PARK7: variants seen among roughly 807,000 people sequenced by gnomAD.
The protein encoded by PARK7 is Parkinsonism associated deglycase, also known as Parkinson disease protein 7.
In PARK7, 14 loss-of-function variants were observed where a neutral mutation model predicts 20.5. The observed-to-expected ratio is 0.68, with a 90% confidence interval of 0.45 to 1.07. The LOEUF is 1.07. Ranked by LOEUF, PARK7 falls within the 50% of genes least tolerant of loss-of-function variation. The pLI is 0.00. For synonymous variants in PARK7, 98 were observed against 84.3 expected, an observed-to-expected ratio of 1.16 and a Z score of -0.89; for missense variants, 234 against 238.1, an observed-to-expected ratio of 0.98 and a Z score of 0.11.
At chr1:7,981,085 C>T (rs1640700142) in intron 6 of PARK7, among the ~76,000 whole-genome samples, 1 of 152,024 alleles carries the variant, frequency 6.6e-6, no homozygotes, top group South Asian at 2.1e-4. Flanking sequence ...CTCATTTGTC[C>T]ACTGTTTGAT....
In PARK7 at chr1:7,979,152, A is replaced by C. The variant is rs529146304; in HGVS notation, c.409+1414A>C. Among the ~76,000 whole-genome samples the C allele has an allele frequency of 9.2e-5, 14 of 152,246 alleles. 1 individual carries two copies. In the East Asian group the frequency reaches 1.9e-3, roughly 21 times the overall value. On this transcript the variant is annotated intron_variant, in intron 6 of 6. Coordinates refer to ENST00000338639, the MANE Select transcript of PARK7 (RefSeq NM_007262.5). ...TGCCCTTGTAAACCATGCCATAATG[A>C]TCATCCTTGAATGCCGCTGTGAGCA...
chr1:7,983,821 T>A (rs1389787890), intron 6 of PARK7, among the ~76,000 whole-genome samples: 1 of 152,194 alleles, frequency 6.6e-6, no homozygotes, highest in Non-Finnish European at 1.5e-5. Context: ...AGAATGGTGT[T>A]TGGTGCCTTT....
In PARK7 at chr1:7,984,986, A is replaced by G. The variant is rs374962638; in HGVS notation, c.502A>G (p.Ile168Val). ...GACCAGCTTCGAGTTTGCGCTTGCA[A>G]TTGTTGAAGCCCTGAATGGCAAGGA... ...PGTSFEFALA[I>V]VEALNGKEVA... is the part of the protein sequence containing the mutation. Residue 168 changes from isoleucine to valine, a missense_variant, in exon 7 of 7, where the codon ATT becomes GTT. By Grantham distance (29) the Ile-to-Val change is conservative. Coordinates refer to ENST00000338639, the MANE Select transcript of PARK7 (RefSeq NM_007262.5). The surrounding 1 kb of genome is among the most constrained non-coding windows in gnomAD (Gnocchi z 4.3). The G allele has an allele frequency of 2.6e-5, 42 of 1,614,084 alleles. No individual in the cohort carries two copies. Among genetic ancestry groups the G allele is most frequent in the Non-Finnish European group, 3.2e-5 (38 of 1,180,050 alleles).
intron 4 of PARK7, among the ~76,000 whole-genome samples, chr1:7,970,170 G>C (rs575053580): frequency 2.5e-4 from 38 of 152,214 alleles, no homozygotes; most frequent in Non-Finnish European, 4.6e-4. Context: ...ATTCTAGCCT[G>C]GGCAACAAAG....
rs1309873819 is a variant in PARK7, at chr1:7,962,813, C to G, written c.28C>G (p.Leu10Val). The change falls in exon 2 of 7, where the codon CTG becomes GTG. Residue 10 changes from leucine (L) to valine (V), a missense_variant. Physicochemically the swap from Leu to Val is conservative, Grantham distance 32. Coordinates refer to ENST00000338639, the MANE Select transcript of PARK7 (RefSeq NM_007262.5). MASKRALVI[L>V]AKGAEEMETV... is the part of the protein sequence containing the mutation. The stretch of plus-strand genomic sequence containing the variant: ...GGCTTCCAAAAGAGCTCTGGTCATC[C>G]TGGCTAAAGGAGCAGAGGAAATGGA... 3 of 1,611,552 alleles carry G rather than the reference C, an allele frequency of 1.9e-6. No individual in the cohort carries two copies. The highest frequency in any genetic ancestry group is 2.5e-6 in the Non-Finnish European group (3 of 1,179,478).
rs954957876 is a variant in PARK7 at position 7,984,312 on chromosome 1, G to C, written c.410-582G>C. Among the ~76,000 whole-genome samples, 2 of 152,200 alleles carry C rather than the reference G, an allele frequency of 1.3e-5. No individual in the cohort carries two copies. Among genetic ancestry groups the C allele is most frequent in the African/African-American group, 2.4e-5 (1 of 41,438 alleles). The stretch of plus-strand genomic sequence containing the variant: ...AGGGCATCCATGCTTAAGAGTCCCA[G>C]TTTTGGTATTATATTTGCCAAGAAA... On this transcript the variant is annotated intron_variant, in intron 6 of 6. Transcript: ENST00000338639. The surrounding 1 kb of genome is among the most constrained non-coding windows in gnomAD (Gnocchi z 4.3).
At chr1:7,977,787 T>A (rs987857638) in intron 6 of PARK7, 49 bp downstream of exon 6, 6 of 1,456,156 alleles carry the variant, frequency 4.1e-6, no homozygotes, top group Non-Finnish European at 4.8e-6. Flanking sequence ...TGAGATGGAG[T>A]CTCGCTCCAT....
In PARK7 at chr1:7,984,847, G is replaced by A. The variant is rs568034624; in HGVS notation, c.410-47G>A. 7.5e-6 allele frequency: 12 copies of A among 1,607,048 alleles called. No homozygotes were observed. Among genetic ancestry groups the A allele is most frequent in the African/African-American group, 4.0e-5 (3 of 74,920 alleles). On this transcript the variant is annotated intron_variant, in intron 6 of 6. Transcript: ENST00000338639. This position sits in a 1 kb window ranked among gnomAD's most constrained non-coding sequence, Gnocchi z 4.3. Reference sequence around the variant, plus strand: ...TAATTGGTAAGTAATCGTCTTTCTCGTCACATAGCCCATTAGGATGTCACC... The same window carrying A: ...TAATTGGTAAGTAATCGTCTTTCTCATCACATAGCCCATTAGGATGTCACC...
At chr1:7,962,309 C>T (rs370951008) in intron 1 of PARK7, among the ~76,000 whole-genome samples, 4 of 151,994 alleles carry the variant, frequency 2.6e-5, no homozygotes, top group African/African-American at 7.2e-5. Flanking sequence ...AACAAAAATC[C>T]CCTCCAAAAA....
At chr1:7,977,621 T>C (rs2151436395) in intron 5 of PARK7, 31 bp from the exon 6 acceptor site, 1 of 1,584,820 alleles carries the variant, frequency 6.3e-7, no homozygotes, top group Non-Finnish European at 8.7e-7. Flanking sequence ...TTTCTATATC[T>C]GCACTTAGAT....
chr1:7,964,232 C>G (rs565288826), intron 2 of PARK7, among the ~76,000 whole-genome samples: 1 of 152,276 alleles, frequency 6.6e-6, no homozygotes, highest in Non-Finnish European at 1.5e-5. Context: ...CTGTGCCAGG[C>G]AGCATTCTAA....
At chr1:7,962,023 A>G (rs1029679315) in intron 1 of PARK7, 7 of 152,220 alleles carry the variant, frequency 4.6e-5, no homozygotes, top group African/African-American at 1.7e-4. Flanking sequence ...TCTTCTGCCT[A>G]ACCTCTCGCC....
chr1:7,968,839 G>A (rs1578094651), intron 3 of PARK7, among the ~76,000 whole-genome samples: 1 of 152,252 alleles, frequency 6.6e-6, no homozygotes, highest in African/African-American at 2.4e-5. Context: ...AATTTTTTAA[G>A]TTGTTCATGT....
At position 7,970,969 on chromosome 1, in the gene PARK7, G is replaced by T. The variant is rs758620266; in HGVS notation, c.322+6G>T. On this transcript the variant is annotated splice_donor_region_variant and intron_variant, in intron 5 of 6. Coordinates refer to ENST00000338639, the MANE Select transcript of PARK7 (RefSeq NM_007262.5). ...GATAGCCGCCATCTGTGCAGGTGAC[G>T]TGCAGGGGCAGCCTGTGTTGCAGCG... 6.2e-7 allele frequency: 1 copy of T among 1,614,106 alleles called. No homozygotes were observed. Among genetic ancestry groups the T allele is most frequent in the Non-Finnish European group, 8.5e-7 (1 of 1,179,974 alleles).
chr1:7,985,134 T>G lies in PARK7; in HGVS notation c.*80T>G. On this transcript the variant is annotated 3_prime_UTR_variant, in exon 7 of 7. Coordinates refer to ENST00000338639, the MANE Select transcript of PARK7 (RefSeq NM_007262.5). The stretch of plus-strand genomic sequence containing the variant: ...ACTGTGTTCGCTCTAAACAAAACAG[T>G]GGTAGGTTAATGTGTTCAGAAGTCG... 2 of 1,550,026 alleles carry G rather than the reference T, an allele frequency of 1.3e-6. No homozygotes were observed. Among genetic ancestry groups the G allele is most frequent in the Non-Finnish European group, 1.7e-6 (2 of 1,146,394 alleles).
chr1:7,975,008 A>C (rs1219942115), intron 5 of PARK7, among the ~76,000 whole-genome samples: 1 of 151,984 alleles, frequency 6.6e-6, no homozygotes, highest in Non-Finnish European at 1.5e-5. Context: ...GGCACCTGCC[A>C]CCATGCCCAG....
At chr1:7,970,361 T>C (rs552628865) in intron 4 of PARK7, among the ~76,000 whole-genome samples, 2 of 152,304 alleles carry the variant, frequency 1.3e-5, no homozygotes, top group Admixed American at 1.3e-4. Flanking sequence ...CTCAAAGTCT[T>C]AACTGGGGGA....
chr1:7,972,837 G>A (rs376719488), intron 5 of PARK7, among the ~76,000 whole-genome samples: 44 of 152,004 alleles, frequency 2.9e-4, no homozygotes, highest in African/African-American at 9.9e-4. Context: ...TCAGGAGTTC[G>A]AAACCAGCCT....
chr1:7,977,196 G>A (rs1640602420), intron 5 of PARK7, among the ~76,000 whole-genome samples: 1 of 152,130 alleles, frequency 6.6e-6, no homozygotes, highest in South Asian at 2.1e-4. Flanking sequence ...GGTATATGTG[G>A]TCCCTGTTCT....
Sources: gnomAD v4.1 joint callset for allele counts (sites outside exome capture counted in the v4.1 genomes callset) on GRCh38, gnomAD v4.1.1 for gene constraint, Gnocchi (gnomAD v3.1) non-coding constraint, MANE v1.5 for transcripts, NCBI Gene and HGNC (gene_info 2026-07-23, HGNC 2026-07-21) for gene names.